Variants in CBR4 observed in about 807,000 individuals in gnomAD.
CBR4 encodes carbonyl reductase 4, also known as 3-oxoacyl-[acyl-carrier-protein] reductase.
CBR4 carries 22 observed loss-of-function variants against 21.0 expected under a neutral mutation model. That is an observed-to-expected ratio of 1.05 (90% confidence interval 0.75 to 1.50). The LOEUF is 1.50. Ranked by LOEUF, CBR4 falls within the 40% of genes most tolerant of loss-of-function variation. The pLI, the probability that CBR4 is intolerant of heterozygous loss-of-function variation, is 0.00. For missense variants in CBR4, 302 were observed against 286.3 expected, an observed-to-expected ratio of 1.05 and a Z score of -0.40; for synonymous variants, 100 against 104.4, an observed-to-expected ratio of 0.96 and a Z score of 0.26.
intron 2 of CBR4, among the ~76,000 whole-genome samples, chr4:168,967,942 G>T (rs977545410): frequency 2.6e-5 from 4 of 152,138 alleles, no homozygotes; most frequent in African/African-American, 9.7e-5. Context: ...CTCAACTGTT[G>T]TGGTAGCTCA....
chr4:168,949,735 T>C (rs1003647408), intron 2 of CBR4, among the ~76,000 whole-genome samples: 2 of 152,202 alleles, frequency 1.3e-5, no homozygotes, highest in Non-Finnish European at 2.9e-5. Flanking sequence ...CTGCTGTGAA[T>C]CTGTCTGGTC....
intron 2 of CBR4, among the ~76,000 whole-genome samples, chr4:168,935,185 C>T (rs1034317284): frequency 2.0e-5 from 3 of 152,164 alleles, no homozygotes; most frequent in Non-Finnish European, 2.9e-5. Flanking sequence ...GGAGGAACTC[C>T]CTCCCCTAGC....
chr4:168,961,776 G>C (rs1763862631), intron 2 of CBR4, among the ~76,000 whole-genome samples: 1 of 152,152 alleles, frequency 6.6e-6, no homozygotes, highest in South Asian at 2.1e-4. Context: ...TGTAATCCCA[G>C]CTACTCATGA....
intron 2 of CBR4, among the ~76,000 whole-genome samples, chr4:168,949,609 C>A (rs978131637): frequency 1.3e-5 from 2 of 151,980 alleles, no homozygotes; most frequent in African/African-American, 4.8e-5. Context: ...GCTTTTTCCA[C>A]ATCTGGGTAA....
chr4:168,975,665 T>C (rs1426899890), intron 2 of CBR4, among the ~76,000 whole-genome samples: 1 of 152,164 alleles, frequency 6.6e-6, no homozygotes, highest in Non-Finnish European at 1.5e-5. Flanking sequence ...AAATTACATC[T>C]TTTGATTTTG....
At chr4:168,903,628 T>C in intron 2 of CBR4, 2 of 740,492 alleles carry the variant, frequency 2.7e-6, no homozygotes, top group South Asian at 1.5e-5. Context: ...CTTAGTCAGG[T>C]ATTTGGTTTA....
chr4:168,932,271 G>A (rs1762991769), intron 2 of CBR4, among the ~76,000 whole-genome samples: 2 of 150,208 alleles, frequency 1.3e-5, no homozygotes, highest in Admixed American at 6.6e-5. Context: ...AGAAATCTTA[G>A]AGTTGAAGAA....
At chr4:168,905,138 G>GTTTTTTT (rs777740588) in intron 2 of CBR4, among the ~76,000 whole-genome samples, 1 of 34,524 alleles carries the variant, frequency 2.9e-5, no homozygotes, top group African/African-American at 7.7e-5. Context: ...TGTTTTGTTG[G>GTTTTTTT]TTTTTTTTTT....
At chr4:168,937,069 A>T (rs1053380708) in intron 2 of CBR4, among the ~76,000 whole-genome samples, 1 of 152,086 alleles carries the variant, frequency 6.6e-6, no homozygotes, top group Non-Finnish European at 1.5e-5. Context: ...ACAAAAGGTC[A>T]GGTTACCCAC....
chr4:168,977,613 A>G (rs1764411151), intron 2 of CBR4, among the ~76,000 whole-genome samples: 1 of 152,196 alleles, frequency 6.6e-6, no homozygotes, highest in South Asian at 2.1e-4. Flanking sequence ...CACAGATGAT[A>G]TATTTCTTGC....
Position 168,993,039 on chromosome 4 carries a change from C to G in CBR4, c.536-2711G>C, listed in dbSNP as rs963966228. On this transcript the variant is annotated intron_variant, in intron 4 of 4. Coordinates refer to ENST00000306193, the MANE Select transcript of CBR4 (RefSeq NM_032783.5). Reference sequence around the variant, plus strand: ...AGGAATGCAAGAATAAAAGGAGAAGCAGCTAACACAGATATTGATACTAGC... The same window carrying G: ...AGGAATGCAAGAATAAAAGGAGAAGGAGCTAACACAGATATTGATACTAGC... 2.0e-5 allele frequency among the ~76,000 whole-genome samples: 3 copies of G among 152,232 alleles called. No homozygotes were observed. The South Asian group carries it at 6.2e-4, about 32-fold the overall frequency.
intron 2 of CBR4, among the ~76,000 whole-genome samples, chr4:168,895,177 A>G (rs1403600721): frequency 6.6e-6 from 1 of 152,062 alleles, no homozygotes; most frequent in Non-Finnish European, 1.5e-5. Flanking sequence ...AGGTCAGGAG[A>G]TCGAGACCAT....
chr4:168,897,664 C>T (rs1446193281), intron 2 of CBR4, among the ~76,000 whole-genome samples: 1 of 152,126 alleles, frequency 6.6e-6, no homozygotes, highest in East Asian at 1.9e-4. Context: ...GTTGCCCAAG[C>T]TGGTCTCAAA....
chr4:168,921,660 T>A, intron 2 of CBR4: 1 of 1,609,620 alleles, frequency 6.2e-7, no homozygotes, highest in South Asian at 1.1e-5. Flanking sequence ...GCCAGTCACG[T>A]CACGTGATGC....
chr4:168,920,119 G>T (rs1761139132), intron 2 of CBR4, among the ~76,000 whole-genome samples: 1 of 152,192 alleles, frequency 6.6e-6, no homozygotes, highest in African/African-American at 2.4e-5. Flanking sequence ...CCTGACCAAA[G>T]ATGTCCACTC....
chr4:168,954,749 A>G (rs1463706009), intron 2 of CBR4, among the ~76,000 whole-genome samples: 2 of 152,364 alleles, frequency 1.3e-5, no homozygotes, highest in Admixed American at 6.5e-5. Flanking sequence ...CATGAGATCC[A>G]TGGAAGAGAG....
intron 2 of CBR4, among the ~76,000 whole-genome samples, chr4:168,955,808 C>T (rs1007668247): frequency 2.0e-5 from 3 of 152,016 alleles, no homozygotes; most frequent in Non-Finnish European, 2.9e-5. Flanking sequence ...ATAAAAGCTG[C>T]CAGCTATGCA....
At chr4:168,949,219 T>C (rs570725155) in intron 2 of CBR4, among the ~76,000 whole-genome samples, 1 of 152,230 alleles carries the variant, frequency 6.6e-6, no homozygotes, top group Non-Finnish European at 1.5e-5. Flanking sequence ...TAATCTTGTA[T>C]CCAGAAACTT....
Position 168,934,472 on chromosome 4 carries a change from TAAAC to T in CBR4, n.170-39711_170-39708del, listed in dbSNP as rs1196896714. On this transcript the variant is annotated intron_variant and non_coding_transcript_variant, in intron 2 of 3. Coordinates refer to the CBR4 transcript ENST00000509108. The stretch of plus-strand genomic sequence containing the variant: ...TAAGAATACAGAGAGAAGACCCAAA[TAAAC>T]AAAATCAAAAACAAAAAAGGAGCTG... Among the ~76,000 whole-genome samples the T allele has an allele frequency of 2.0e-5, 3 of 151,316 alleles. No individual in the cohort carries two copies. The East Asian group carries it at 5.8e-4, about 29-fold the overall frequency.
Sources: allele counts gnomAD v4.1 joint callset (sites outside exome capture counted in the v4.1 genomes callset), GRCh38; gene constraint gnomAD v4.1.1; transcripts MANE v1.5; gene names NCBI Gene and HGNC (gene_info 2026-07-23, HGNC 2026-07-21).